The following PARD3B variants were observed in gnomAD, a reference collection of about 807,000 sequenced individuals.
PARD3B encodes partitioning defective 3 homolog B.
PARD3B carries 103 observed loss-of-function variants against 130.2 expected under a neutral mutation model. The observed-to-expected ratio is 0.79, with a 90% confidence interval of 0.67 to 0.93. PARD3B has a LOEUF of 0.93. Among genes scored for constraint, PARD3B ranks in the 40% least tolerant of loss-of-function variants. PARD3B has a pLI of 0.00. For missense variants in PARD3B, 1,609 were observed against 1,499.2 expected, an observed-to-expected ratio of 1.07 and a Z score of -1.21; for synonymous variants, 583 against 553.2, an observed-to-expected ratio of 1.05 and a Z score of -0.76.
At chr2:204,999,844 A>T (rs1319876278) in intron 3 of PARD3B, among the ~76,000 whole-genome samples, 1 of 152,196 alleles carries the variant, frequency 6.6e-6, no homozygotes, top group East Asian at 1.9e-4. Context: ...AGTGATAAGG[A>T]AAATGTTTGG....
At chr2:204,947,499 A>C (rs1330847737) in intron 2 of PARD3B, among the ~76,000 whole-genome samples, 1 of 152,134 alleles carries the variant, frequency 6.6e-6, no homozygotes, top group Non-Finnish European at 1.5e-5. Flanking sequence ...ACTACAGTAC[A>C]TAGGACAACT....
intron 15 of PARD3B, among the ~76,000 whole-genome samples, chr2:205,220,669 GA>G (rs2038189472): frequency 1.3e-5 from 2 of 152,274 alleles, no homozygotes; most frequent in Admixed American, 1.3e-4. Context: ...AGAATGATAA[GA>G]AGATAATGAT....
chr2:205,252,808 T>G (rs1033690560), intron 16 of PARD3B, among the ~76,000 whole-genome samples: 2 of 129,526 alleles, frequency 1.5e-5, no homozygotes, highest in Non-Finnish European at 3.1e-5. Context: ...TCTAGTAATA[T>G]CAATCTTTTG....
At chr2:204,910,259 C>A (rs2047184364) in intron 2 of PARD3B, among the ~76,000 whole-genome samples, 1 of 152,094 alleles carries the variant, frequency 6.6e-6, no homozygotes. Flanking sequence ...AATTTTGATT[C>A]TCTTCCTTGT....
intron 2 of PARD3B, among the ~76,000 whole-genome samples, chr2:204,774,856 C>G (rs1302297431): frequency 6.6e-6 from 1 of 152,144 alleles, no homozygotes; most frequent in Non-Finnish European, 1.5e-5. Flanking sequence ...CAGTTATTCA[C>G]ACTTGGGAGT....
chr2:204,584,659 A>G (rs927289126), intron 1 of PARD3B, among the ~76,000 whole-genome samples: 1 of 152,196 alleles, frequency 6.6e-6, no homozygotes, highest in East Asian at 1.9e-4. Flanking sequence ...TCTATGGGAT[A>G]TGATGTGGAC....
intron 3 of PARD3B, among the ~76,000 whole-genome samples, chr2:205,031,081 A>T (rs890864511): frequency 1.6e-4 from 24 of 152,192 alleles, no homozygotes; most frequent in African/African-American, 5.5e-4. Flanking sequence ...GACTTCAAGA[A>T]CACAACCAAA....
rs116585555 is a variant in PARD3B, at chr2:205,452,477, T to C, written c.3044+11805T>C. 5.5e-3 allele frequency among the ~76,000 whole-genome samples: 831 copies of C among 152,316 alleles called. 10 individuals carry two copies. The highest frequency in any genetic ancestry group is 0.019 in the African/African-American group (787 of 41,586). ...GTGGGAATCCCAGTGATAAATGCCA[T>C]TTCCGTAGAGAGTTAACTCATCAAT... On this transcript the variant is annotated intron_variant, in intron 20 of 22. Coordinates refer to ENST00000406610, the MANE Select transcript of PARD3B (RefSeq NM_001302769.2).
Position 205,241,701 on chromosome 2 carries a change from C to G in PARD3B, c.2141-4077C>G, listed in dbSNP as rs547859544. On this transcript the variant is annotated intron_variant, in intron 15 of 22. Coordinates refer to ENST00000406610, the MANE Select transcript of PARD3B (RefSeq NM_001302769.2). This position sits in a 1 kb window ranked among gnomAD's most constrained non-coding sequence, Gnocchi z 4.2. Reference sequence around the variant, plus strand: ...CTCAATGCTTTTAATTAATACTTTACTGTTTTGGAATCAAAGACCTTTCCC... The same window carrying G: ...CTCAATGCTTTTAATTAATACTTTAGTGTTTTGGAATCAAAGACCTTTCCC... 7.6e-4 allele frequency among the ~76,000 whole-genome samples: 115 copies of G among 152,274 alleles called. No individual in the cohort carries two copies. Among genetic ancestry groups the G allele is most frequent in the African/African-American group, 2.6e-3 (108 of 41,566 alleles).
At chr2:204,817,807 A>C (rs1368154233) in intron 2 of PARD3B, among the ~76,000 whole-genome samples, 1 of 152,178 alleles carries the variant, frequency 6.6e-6, no homozygotes, top group Non-Finnish European at 1.5e-5. Flanking sequence ...AGTAAGCTGA[A>C]GCAGTTAATA....
intron 2 of PARD3B, among the ~76,000 whole-genome samples, chr2:204,796,521 C>G (rs1461989370): frequency 6.6e-6 from 1 of 152,206 alleles, no homozygotes; most frequent in Non-Finnish European, 1.5e-5. Context: ...TCCTTCTGAA[C>G]ATCTCAACGT....
intron 6 of PARD3B, among the ~76,000 whole-genome samples, chr2:205,118,436 T>G (rs1465463652): frequency 6.6e-6 from 1 of 152,228 alleles, no homozygotes; most frequent in Non-Finnish European, 1.5e-5. Context: ...CCTTCTAAAC[T>G]GAGTAATATG....
At chr2:205,054,719 G>A (rs551715362) in intron 4 of PARD3B, among the ~76,000 whole-genome samples, 40 of 151,808 alleles carry the variant, frequency 2.6e-4, no homozygotes, top group African/African-American at 9.2e-4. Context: ...TAATCCCTTA[G>A]ATGCCCAAGA....
At position 205,158,974 on chromosome 2, in the gene PARD3B, G is replaced by T; in HGVS notation, c.1620+67G>T. The T allele has an allele frequency of 6.5e-7, 1 of 1,535,190 alleles. No individual in the cohort carries two copies. Among genetic ancestry groups the T allele is most frequent in the South Asian group, 1.1e-5 (1 of 87,254 alleles). ...TGGAGATGTGACTGTTGTACTTAGAGACTGAATGGAGAAAGTGTCTGAAGA... is the reference window on the plus strand; with the variant it reads ...TGGAGATGTGACTGTTGTACTTAGATACTGAATGGAGAAAGTGTCTGAAGA... On this transcript the variant is annotated intron_variant, in intron 11 of 22. Transcript: ENST00000406610. The surrounding 1 kb of genome is among the most constrained non-coding windows in gnomAD (Gnocchi z 5.4).
intron 20 of PARD3B, among the ~76,000 whole-genome samples, chr2:205,491,040 C>T (rs1242525603): frequency 6.6e-6 from 1 of 152,116 alleles, no homozygotes; most frequent in Non-Finnish European, 1.5e-5. Flanking sequence ...CAAAAATTTC[C>T]TCCCATTCTG....
chr2:205,365,380 C>CAAA lies in PARD3B; in HGVS notation c.2631-35632_2631-35631insAAA, dbSNP rs781407029. Among the ~76,000 whole-genome samples, 9 of 45,670 alleles carry CAAA rather than the reference C, an allele frequency of 2.0e-4. No homozygotes were observed. In the South Asian group the frequency reaches 2.7e-3, roughly 14 times the overall value. The allele number at this position is 45,670 out of a possible 152,430, so 30.0% of individuals were successfully genotyped here. A position where few individuals can be genotyped will look rare whatever the true frequency, so the allele number is the denominator to read the frequency against. On this transcript the variant is annotated intron_variant, in intron 18 of 22. Transcript: ENST00000406610. Reference sequence around the variant, plus strand: ...TGGGCAACAGAGCGAGACTCCGTCTCAGAAAAAAAAAAAGAAAGAAAAGAA... The same window carrying CAAA: ...TGGGCAACAGAGCGAGACTCCGTCTCAAAAGAAAAAAAAAAAGAAAGAAAAGAA...
intron 22 of PARD3B, among the ~76,000 whole-genome samples, chr2:205,610,195 G>A (rs1400739471): frequency 2.0e-5 from 3 of 152,120 alleles, no homozygotes; most frequent in East Asian, 3.9e-4. Context: ...TCTGTTCTCA[G>A]GGAGAAAAGC....
intron 4 of PARD3B, chr2:205,103,586 G>T (rs1575790996): frequency 2.4e-6 from 1 of 408,984 alleles, no homozygotes; most frequent in Non-Finnish European, 3.3e-6. Flanking sequence ...TCTATATCTG[G>T]TTTGTTGCTT....
At position 205,447,091 on chromosome 2, in the gene PARD3B, T is replaced by C. The variant is rs1272780690; in HGVS notation, c.3044+6419T>C. Among the ~76,000 whole-genome samples the C allele has an allele frequency of 2.0e-5, 3 of 152,210 alleles. No homozygotes were observed. In the East Asian group the frequency reaches 5.8e-4, roughly 29 times the overall value. On this transcript the variant is annotated intron_variant, in intron 20 of 22. Coordinates refer to ENST00000406610, the MANE Select transcript of PARD3B (RefSeq NM_001302769.2). Reference sequence around the variant, plus strand: ...AATATGGGCATTTGTTTCTAACTGATATATACTAATTTACCCTACTAATAT... The same window carrying C: ...AATATGGGCATTTGTTTCTAACTGACATATACTAATTTACCCTACTAATAT...
Sources: allele counts gnomAD v4.1 joint callset (sites outside exome capture counted in the v4.1 genomes callset), GRCh38; gene constraint gnomAD v4.1.1; non-coding constraint Gnocchi (gnomAD v3.1); transcripts MANE v1.5; gene names NCBI Gene and HGNC (gene_info 2026-07-23, HGNC 2026-07-21).